The following ITSN1 variants were observed in gnomAD, a reference collection of about 807,000 sequenced individuals.
ITSN1 encodes intersectin-1.
Under a neutral mutation model 239.8 loss-of-function variants are expected in ITSN1, and 58 were observed. That is an observed-to-expected ratio of 0.24 (90% CI 0.20 to 0.30). The LOEUF is 0.30. Ranked by LOEUF, ITSN1 falls within the 10% of genes least tolerant of loss-of-function variation. The pLI is 1.00. For missense variants in ITSN1, 1,558 were observed against 2,103.3 expected (o/e 0.74, Z 5.07); for synonymous variants, 780 against 770.8 (o/e 1.01, Z -0.20).
chr21:33,728,219 C>T (rs1289608273), intron 4 of ITSN1, among the ~76,000 whole-genome samples: 2 of 152,114 alleles, frequency 1.3e-5, no homozygotes, highest in African/African-American at 4.8e-5. Context: ...CCTGCCTCGG[C>T]CTCTCAAAGT....
At chr21:33,735,273 T>TC in intron 5 of ITSN1, 69 bp downstream of exon 5, 1 of 1,477,014 alleles carries the variant, frequency 6.8e-7, no homozygotes, top group East Asian at 2.3e-5. Context: ...TTCCTTTTTT[T>TC]CCCTCTCGGT....
chr21:33,834,396 GCCA>G lies in ITSN1; in HGVS notation c.3444_3446del (p.Pro1149del), dbSNP rs778473094. Reference sequence around the variant, plus strand: ...GGACGAGCAAAATCACTCCAACAGAGCCACCTAAGTCAACAGCATTAGCGGCAG... The same window carrying G: ...GGACGAGCAAAATCACTCCAACAGAGCCTAAGTCAACAGCATTAGCGGCAG... On this transcript the variant is annotated inframe_deletion, in exon 28 of 40. Transcript: ENST00000381318. 22 of 1,613,000 alleles carry G rather than the reference GCCA, an allele frequency of 1.4e-5. No homozygotes were observed. Among genetic ancestry groups the G allele is most frequent in the Admixed American group, 6.7e-5 (4 of 59,924 alleles).
chr21:33,845,429 G>A (rs1390079108), intron 29 of ITSN1, among the ~76,000 whole-genome samples: 1 of 152,058 alleles, frequency 6.6e-6, no homozygotes, highest in Non-Finnish European at 1.5e-5. Flanking sequence ...CCCCCACGCT[G>A]CAGGCAGAGA....
At position 33,882,180 on chromosome 21, in the gene ITSN1, C is replaced by T. The variant is rs1345504761; in HGVS notation, c.4342-63C>T. The T allele has an allele frequency of 2.1e-6, 3 of 1,404,618 alleles. No homozygotes were observed. Among genetic ancestry groups the T allele is most frequent in the African/African-American group, 1.4e-5 (1 of 70,698 alleles). 87.0% of individuals were successfully genotyped at this position (1,404,618 alleles called of 1,614,324 possible). A position where few individuals can be genotyped will look rare whatever the true frequency, so the allele number is the denominator to read the frequency against. On this transcript the variant is annotated intron_variant, in intron 34 of 39. Transcript: ENST00000381318. This position sits in a 1 kb window ranked among gnomAD's most constrained non-coding sequence, Gnocchi z 4.5. ...GGCCTGGCCTCTGATTCTGATGGAG[C>T]CCATGCTTTCAGATGCGGAGAAACA...
At chr21:33,848,098 G>A (rs984801751) in intron 29 of ITSN1, among the ~76,000 whole-genome samples, 5 of 152,258 alleles carry the variant, frequency 3.3e-5, no homozygotes, top group Non-Finnish European at 4.4e-5. Flanking sequence ...CAGCTCCGCA[G>A]CCAGCGCCTC....
intron 5 of ITSN1, among the ~76,000 whole-genome samples, chr21:33,747,489 A>G (rs1001484812): frequency 2.0e-5 from 3 of 151,532 alleles, no homozygotes; most frequent in Admixed American, 6.6e-5. Context: ...CAAAAGCTCA[A>G]CACACCTCAA....
At chr21:33,674,332 A>T (rs1484603705) in intron 1 of ITSN1, among the ~76,000 whole-genome samples, 1 of 152,144 alleles carries the variant, frequency 6.6e-6, no homozygotes, top group Non-Finnish European at 1.5e-5. Context: ...TTTTCAAGAG[A>T]GTTTGGATTC....
intron 8 of ITSN1, among the ~76,000 whole-genome samples, chr21:33,757,328 AT>A (rs1260972696): frequency 6.6e-6 from 1 of 152,204 alleles, no homozygotes; most frequent in African/African-American, 2.4e-5. Context: ...GCACTTGAGC[AT>A]TTAGAACTTT....
In ITSN1 at chr21:33,702,954, G is replaced by A. The variant is rs185836069; in HGVS notation, c.-32-15843G>A. On this transcript the variant is annotated intron_variant, in intron 1 of 39. Transcript: ENST00000381318. ...TAGCCGGGCATGATGGCCGGTGCCT[G>A]TAATTCCAGCTACTCGGGAGGCTGA... Among the ~76,000 whole-genome samples, 5 of 152,128 alleles carry A rather than the reference G, an allele frequency of 3.3e-5. No homozygotes were observed. The East Asian group carries it at 9.7e-4, about 29-fold the overall frequency.
At chr21:33,849,327 A>G (rs983405756) in intron 29 of ITSN1, among the ~76,000 whole-genome samples, 5 of 152,134 alleles carry the variant, frequency 3.3e-5, no homozygotes, top group African/African-American at 1.2e-4. Flanking sequence ...ACACTTTGGG[A>G]GGCCAAGGCA....
intron 4 of ITSN1, among the ~76,000 whole-genome samples, chr21:33,730,442 C>T (rs1319348086): frequency 7.9e-6 from 1 of 126,186 alleles, no homozygotes; most frequent in Non-Finnish European, 1.6e-5. Context: ...TGCTCTGTCA[C>T]CCAGGCTGGA....
At chr21:33,759,398 C>G (rs947040641) in intron 8 of ITSN1, among the ~76,000 whole-genome samples, 1 of 152,172 alleles carries the variant, frequency 6.6e-6, no homozygotes, top group African/African-American at 2.4e-5. Flanking sequence ...CCCCTGATAT[C>G]CAGGTTTAGA....
At position 33,803,749 on chromosome 21, in the gene ITSN1, CAA is replaced by C. The variant is rs140248953; in HGVS notation, c.2319+1308_2319+1309del. ...ATCTAATTTGTAATTTTTAATAAAACAAAATAAATTCAAGGACAAGTATATTA... is the reference window on the plus strand; with the variant it reads ...ATCTAATTTGTAATTTTTAATAAAACAATAAATTCAAGGACAAGTATATTA... On this transcript the variant is annotated intron_variant, in intron 20 of 39. Transcript: ENST00000381318. Among the ~76,000 whole-genome samples, 26 of 151,990 alleles carry C rather than the reference CAA, an allele frequency of 1.7e-4. No homozygotes were observed. The East Asian group carries it at 4.3e-3, about 25-fold the overall frequency.
At chr21:33,835,612 T>C (rs2074555817) in intron 28 of ITSN1, among the ~76,000 whole-genome samples, 1 of 152,164 alleles carries the variant, frequency 6.6e-6, no homozygotes, top group East Asian at 1.9e-4. Context: ...GATGCAAAGA[T>C]ACAGCAGCAG....
chr21:33,803,661 T>TAA (rs1429092689), intron 20 of ITSN1, among the ~76,000 whole-genome samples: 1 of 152,230 alleles, frequency 6.6e-6, no homozygotes, highest in African/African-American at 2.4e-5. Context: ...CACTGGGCAG[T>TAA]AAAGAAGGGG....
intron 1 of ITSN1, among the ~76,000 whole-genome samples, chr21:33,697,380 C>A (rs368129504): frequency 8.6e-5 from 13 of 151,896 alleles, no homozygotes; most frequent in African/African-American, 2.9e-4. Flanking sequence ...CTGTGCCTAG[C>A]CTAGATTATC....
At chr21:33,877,481 C>T (rs1300132687) in intron 34 of ITSN1, among the ~76,000 whole-genome samples, 1 of 152,130 alleles carries the variant, frequency 6.6e-6, no homozygotes, top group African/African-American at 2.4e-5. Flanking sequence ...TGTAAACTTG[C>T]GTGAGAGCTA....
intron 1 of ITSN1, among the ~76,000 whole-genome samples, chr21:33,717,454 C>T (rs527241001): frequency 1.3e-5 from 2 of 152,232 alleles, no homozygotes; most frequent in East Asian, 3.9e-4. Context: ...GACTCAGCCT[C>T]TCAAAGTGCT....
chr21:33,772,245 G>A lies in ITSN1; in HGVS notation c.1227G>A (p.Leu409=). The A allele has an allele frequency of 6.2e-7, 1 of 1,605,562 alleles. No homozygotes were observed. Among genetic ancestry groups the A allele is most frequent in the Non-Finnish European group, 8.5e-7 (1 of 1,175,690 alleles). The part of the protein sequence containing the change: ...QEQERKRQLE[L]EKQLEKQREL... ...AAGAGCGCAAAAGACAACTGGAACT[G>A]GAGAAGCAACTGGAAAAGCAGCGGG... is the stretch of plus-strand genomic sequence containing the variant. Residue 409 remains leucine, a synonymous_variant, in exon 12 of 40, where the codon CTG becomes CTA. Coordinates refer to ENST00000381318, the MANE Select transcript of ITSN1 (RefSeq NM_003024.3).
Sources: allele counts gnomAD v4.1 joint callset (sites outside exome capture counted in the v4.1 genomes callset), GRCh38; gene constraint gnomAD v4.1.1; non-coding constraint Gnocchi (gnomAD v3.1); transcripts MANE v1.5; gene names NCBI Gene and HGNC (gene_info 2026-07-23, HGNC 2026-07-21).